Variants in TRAF2 observed in about 807,000 individuals in gnomAD.
TRAF2 encodes the protein TNF receptor associated factor 2.
In TRAF2, 6 loss-of-function variants were observed where a neutral mutation model predicts 55.6. The ratio of observed to expected loss-of-function variants is 0.11; its 90% CI spans 0.06 to 0.21. The LOEUF is 0.21. TRAF2 is among the 10% of genes least tolerant of loss of function. The pLI, the probability that TRAF2 is intolerant of heterozygous loss-of-function variation, is 1.00. For synonymous variants in TRAF2, 329 were observed against 276.3 expected (o/e 1.19, Z -1.89); for missense variants, 561 against 684.5 (o/e 0.82, Z 2.01).
intron 7 of TRAF2, among the ~76,000 whole-genome samples, chr9:136,919,683 TTCCCTTCA>T (rs898866429): frequency 7.9e-5 from 12 of 151,020 alleles, no homozygotes; most frequent in South Asian, 2.1e-4. Context: ...CCTCCCCTTC[TTCCCTTCA>T]TCCCTTCATC....
intron 6 of TRAF2, among the ~76,000 whole-genome samples, chr9:136,910,514 T>C (rs2131311947): frequency 6.6e-6 from 1 of 152,348 alleles, no homozygotes; most frequent in South Asian, 2.1e-4. Context: ...ATGACACCTT[T>C]AGGAAAGGAA....
In TRAF2 at chr9:136,910,023, C is replaced by T. The variant is rs751650073; in HGVS notation, c.603+29C>T. The T allele has an allele frequency of 9.3e-6, 15 of 1,604,768 alleles. No individual in the cohort carries two copies. In the African/African-American group the frequency reaches 1.1e-4, roughly 11 times the overall value. On this transcript the variant is annotated intron_variant, in intron 6 of 10. Transcript: ENST00000247668. Reference sequence around the variant, plus strand: ...AGTGTCCTTCACCTCCTTGGAGGACCGCAGGGCGGGGCCCATGTGTTGGAC... The same window carrying T: ...AGTGTCCTTCACCTCCTTGGAGGACTGCAGGGCGGGGCCCATGTGTTGGAC...
chr9:136,914,678 T>C (rs1210035188), intron 6 of TRAF2, among the ~76,000 whole-genome samples: 1 of 152,226 alleles, frequency 6.6e-6, no homozygotes, highest in African/African-American at 2.4e-5. Flanking sequence ...TTGCTATACA[T>C]AAGAACGGTG....
At chr9:136,889,076 G>T (rs1005571213) in intron 1 of TRAF2, among the ~76,000 whole-genome samples, 2 of 152,188 alleles carry the variant, frequency 1.3e-5, no homozygotes, top group East Asian at 3.9e-4. Context: ...ATGTTAGCCA[G>T]GGTGGTCTCG....
Position 136,921,100 on chromosome 9 carries a change from G to A in TRAF2, c.1023G>A (p.Lys341=), listed in dbSNP as rs1467383373. 14 of 1,614,104 alleles carry A rather than the reference G, an allele frequency of 8.7e-6. No homozygotes were observed. The highest frequency in any genetic ancestry group is 1.1e-5 in the Non-Finnish European group (13 of 1,180,022). The change falls in exon 9 of 11, where the codon AAG becomes AAA. Residue 341 remains lysine (K), a synonymous_variant. Transcript: ENST00000247668. The part of the protein sequence containing the change: ...KDLAMADLEQ[K]VLEMEASTYD... ...TGGCGATGGCTGACTTGGAGCAGAA[G>A]GTCTTGGAGATGGAGGCATCCACCT...
intron 4 of TRAF2, among the ~76,000 whole-genome samples, chr9:136,904,873 A>G (rs896174674): frequency 1.8e-4 from 27 of 152,080 alleles, no homozygotes; most frequent in African/African-American, 6.3e-4. Context: ...GTCAGTGGGT[A>G]GCAGAGTGCA....
intron 6 of TRAF2, among the ~76,000 whole-genome samples, chr9:136,912,953 C>T (rs1050153877): frequency 1.2e-4 from 19 of 152,120 alleles, no homozygotes; most frequent in African/African-American, 4.6e-4. Flanking sequence ...TCCAACATGG[C>T]AAAACCCCTT....
chr9:136,902,843 C>T (rs965001952), intron 4 of TRAF2, among the ~76,000 whole-genome samples: 2 of 152,170 alleles, frequency 1.3e-5, no homozygotes, highest in Admixed American at 6.5e-5. Context: ...AAACACAGTA[C>T]GGAGGCTAAG....
chr9:136,920,660 T>TGC, intron 8 of TRAF2, 145 bp downstream of exon 8: 3 of 1,194,130 alleles, frequency 2.5e-6, no homozygotes, highest in Non-Finnish European at 3.4e-6. Flanking sequence ...CAGTGTGGTT[T>TGC]AGGGGAGGCT....
At chr9:136,906,843 C>T (rs957643866) in intron 4 of TRAF2, among the ~76,000 whole-genome samples, 1 of 152,208 alleles carries the variant, frequency 6.6e-6, no homozygotes, top group Non-Finnish European at 1.5e-5. Flanking sequence ...ATCCGGCCCT[C>T]TCTCCCGTTA....
At chr9:136,886,352 C>T (rs1849446568), upstream of TRAF2, 9 of 967,410 alleles carry the variant, frequency 9.3e-6, no homozygotes, top group African/African-American at 1.8e-5. Context: ...TTGGCTCCGG[C>T]GTCAGTCCGT....
At chr9:136,907,715 A>G (rs775488903) in intron 4 of TRAF2, among the ~76,000 whole-genome samples, 1 of 151,662 alleles carries the variant, frequency 6.6e-6, no homozygotes, top group Non-Finnish European at 1.5e-5. Context: ...CTCGGTTAGG[A>G]GCTGGTGTGT....
intron 5 of TRAF2, 51 bp from the exon 6 acceptor site, chr9:136,909,869 C>T (rs17250833): frequency 0.011 from 17,689 of 1,595,978 alleles, 123 homozygotes; most frequent in Non-Finnish European, 0.014. Context: ...GCCCTCCACC[C>T]GCGCCTGGCA....
At chr9:136,911,492 C>T (rs182327420) in intron 6 of TRAF2, among the ~76,000 whole-genome samples, 3 of 152,042 alleles carry the variant, frequency 2.0e-5, no homozygotes, top group Non-Finnish European at 4.4e-5. Flanking sequence ...CTTGAACTCC[C>T]AACTTTAGGT....
chr9:136,882,171 G>A, upstream of TRAF2: 1 of 510,246 alleles, frequency 2.0e-6, no homozygotes. Context: ...CTGAGTAAAA[G>A]GACATGAGGT....
chr9:136,909,665 C>T (rs566688253), intron 5 of TRAF2, among the ~76,000 whole-genome samples: 34 of 152,346 alleles, frequency 2.2e-4, no homozygotes, highest in Non-Finnish European at 4.4e-5. Flanking sequence ...ACGTGGCTTC[C>T]AAATCTCCTC....
In TRAF2 at chr9:136,900,211, TAGC is replaced by T. The variant is rs1246330235; in HGVS notation, c.268-208_268-206del. Among the ~76,000 whole-genome samples the T allele has an allele frequency of 2.7e-5, 4 of 150,498 alleles. 1 individual carries two copies. The highest frequency in any genetic ancestry group is 2.9e-5 in the Non-Finnish European group (2 of 67,808). ...TAAAGGGCCGCCAGAAGTTGTCCCT[TAGC>T]AGACTCCTGAAGTTTAGGGTTTGGA... is the stretch of plus-strand genomic sequence containing the variant. On this transcript the variant is annotated intron_variant, in intron 3 of 10. Transcript: ENST00000247668.
chr9:136,915,519 AGC>A (rs1362714610), intron 6 of TRAF2, among the ~76,000 whole-genome samples: 2 of 152,110 alleles, frequency 1.3e-5, no homozygotes, highest in Non-Finnish European at 2.9e-5. Flanking sequence ...TTATTGACAC[AGC>A]GTTCACGTTG....
At position 136,890,104 on chromosome 9, in the gene TRAF2, G is replaced by T. The variant is rs146576313; in HGVS notation, c.-29+3563G>T. On this transcript the variant is annotated intron_variant, in intron 1 of 10. Transcript: ENST00000247668. ...GTCCCCACCGCACGCTTGTTCAGCC[G>T]GTCACCGCGTGTGAGTCCCCACTGC... 2.5e-3 allele frequency among the ~76,000 whole-genome samples: 330 copies of T among 130,258 alleles called. 17 individuals carry two copies. Among genetic ancestry groups the T allele is most frequent in the African/African-American group, 9.3e-3 (311 of 33,368 alleles). The allele number at this position is 130,258 out of a possible 152,430, so 85.5% of individuals were successfully genotyped here.
Sources: allele counts gnomAD v4.1 joint callset (sites outside exome capture counted in the v4.1 genomes callset), GRCh38; gene constraint gnomAD v4.1.1; transcripts MANE v1.5; gene names NCBI Gene and HGNC (gene_info 2026-07-23, HGNC 2026-07-21).